Variants in HOOK1 observed in about 807,000 individuals in gnomAD.
HOOK1 encodes the protein hook microtubule tethering protein 1.
In HOOK1, 60 loss-of-function variants were observed where a neutral mutation model predicts 112.8. The ratio of observed to expected loss-of-function variants is 0.53; its 90% CI spans 0.43 to 0.66. The LOEUF (loss-of-function observed/expected upper bound fraction) is 0.66. Ranked by LOEUF, HOOK1 falls within the 30% of genes least tolerant of loss-of-function variation. HOOK1 has a pLI of 0.00. For synonymous variants in HOOK1, 294 were observed against 283.8 expected (o/e 1.04, Z -0.36); for missense variants, 770 against 856.0 (o/e 0.90, Z 1.25).
chr1:59,843,705 G>A, intron 9 of HOOK1, 107 bp downstream of exon 9: 1 of 841,406 alleles, frequency 1.2e-6, no homozygotes, highest in Non-Finnish European at 1.8e-6. Context: ...GCATCTTTAG[G>A]ATACTGATTA....
In HOOK1 at chr1:59,873,726, T is replaced by C. The variant is rs1239857822; in HGVS notation, c.*761T>C. 3.1e-4 allele frequency: 5 copies of C among 16,326 alleles called. No individual in the cohort carries two copies. Among genetic ancestry groups the C allele is most frequent in the African/African-American group, 6.1e-4 (2 of 3,294 alleles). 1.0% of individuals were successfully genotyped at this position (16,326 alleles called of 1,614,324 possible). A position where few individuals can be genotyped will look rare whatever the true frequency, so the allele number is the denominator to read the frequency against. On this transcript the variant is annotated 3_prime_UTR_variant, in exon 22 of 22. Coordinates refer to ENST00000371208, the MANE Select transcript of HOOK1 (RefSeq NM_015888.6). ...GGTGACTTTCTGATGGAAAGCAAGC[T>C]ATATATATATATATATATATATATA...
intron 17 of HOOK1, 49 bp from the exon 18 acceptor site, chr1:59,865,114 C>T (rs758718214): frequency 4.3e-6 from 5 of 1,172,522 alleles, no homozygotes; most frequent in Admixed American, 1.7e-5. Flanking sequence ...CCAAGGTCCA[C>T]AAATGTTATA....
chr1:59,854,339 C>T (rs574450712), intron 12 of HOOK1, among the ~76,000 whole-genome samples: 47 of 151,800 alleles, frequency 3.1e-4, no homozygotes, highest in Middle Eastern at 3.4e-3. Context: ...CATAAGCCAC[C>T]GCGCCCAGCC....
intron 1 of HOOK1, among the ~76,000 whole-genome samples, chr1:59,821,297 C>G (rs2098385431): frequency 6.6e-6 from 1 of 151,982 alleles, no homozygotes; most frequent in Non-Finnish European, 1.5e-5. Flanking sequence ...GTTAGTATAC[C>G]TAAAGCCAAA....
At chr1:59,844,375 T>G (rs755488345) in intron 9 of HOOK1, among the ~76,000 whole-genome samples, 1 of 151,958 alleles carries the variant, frequency 6.6e-6, no homozygotes, top group Non-Finnish European at 1.5e-5. Flanking sequence ...TAAGCCACGT[T>G]ATTTTCACAT....
At chr1:59,817,988 C>G (rs12076679) in intron 1 of HOOK1, among the ~76,000 whole-genome samples, 54,608 of 151,962 alleles carry the variant, frequency 0.36, 10,361 homozygotes, top group African/African-American at 0.45. Context: ...CCTTGGTTCT[C>G]ACCTCAGAGA....
At chr1:59,835,725 G>A (rs1372869438) in intron 6 of HOOK1, among the ~76,000 whole-genome samples, 5 of 152,066 alleles carry the variant, frequency 3.3e-5, no homozygotes, top group South Asian at 2.1e-4. Context: ...CCGGGGTGGC[G>A]GGCAGGGGGA....
intron 12 of HOOK1, 49 bp from the exon 13 acceptor site, chr1:59,858,379 G>A: frequency 9.0e-7 from 1 of 1,115,544 alleles, no homozygotes; most frequent in Non-Finnish European, 1.4e-6. Context: ...AAAGTACATT[G>A]TTTATAGGCA....
At chr1:59,815,315 T>G in intron 1 of HOOK1, 135 bp downstream of exon 1, 1 of 811,612 alleles carries the variant, frequency 1.2e-6, no homozygotes, top group Non-Finnish European at 1.9e-6. Context: ...CCTCGTGCCC[T>G]TGACCGAGAG....
At chr1:59,842,912 G>A (rs538346947) in intron 8 of HOOK1, among the ~76,000 whole-genome samples, 1 of 152,068 alleles carries the variant, frequency 6.6e-6, no homozygotes, top group East Asian at 1.9e-4. Context: ...TAGTTTAAAT[G>A]TACAAATGGA....
chr1:59,825,853 ATAGT>A (rs918741045), intron 2 of HOOK1, among the ~76,000 whole-genome samples: 21 of 152,318 alleles, frequency 1.4e-4, no homozygotes, highest in African/African-American at 4.6e-4. Context: ...TAAAGTGTAG[ATAGT>A]TATGTGTACA....
intron 2 of HOOK1, 104 bp downstream of exon 2, chr1:59,822,047 C>T (rs1201727886): frequency 2.3e-6 from 2 of 870,368 alleles, no homozygotes; most frequent in East Asian, 2.6e-5. Context: ...CTTTATCTTA[C>T]CCAGTGACAT....
chr1:59,815,955 G>A (rs1030165674), intron 1 of HOOK1, among the ~76,000 whole-genome samples: 4 of 152,174 alleles, frequency 2.6e-5, no homozygotes, highest in Non-Finnish European at 4.4e-5. Context: ...CAATATTCCA[G>A]TCAGCAAAAT....
Position 59,847,174 on chromosome 1 carries a change from A to G in HOOK1, c.918A>G (p.Ile306Met), listed in dbSNP as rs1278538854. The change falls in exon 10 of 22, where the codon ATA becomes ATG. Residue 306 changes from isoleucine (I) to methionine (M), a missense_variant. Ile to Met is a conservative substitution (Grantham distance 10). Transcript: ENST00000371208. ...AEETRALKDE[I>M]DVLRATSDKA... Reference sequence around the variant, plus strand: ...AAACAAGAGCCCTGAAAGATGAAATAGATGTTCTTAGGTATGGCATGTCTT... The same window carrying G: ...AAACAAGAGCCCTGAAAGATGAAATGGATGTTCTTAGGTATGGCATGTCTT... 6 of 1,603,102 alleles carry G rather than the reference A, an allele frequency of 3.7e-6. No homozygotes were observed. Among genetic ancestry groups the G allele is most frequent in the Non-Finnish European group, 3.4e-6 (4 of 1,175,488 alleles).
chr1:59,821,003 G>C (rs541824149), intron 1 of HOOK1, among the ~76,000 whole-genome samples: 2 of 152,166 alleles, frequency 1.3e-5, no homozygotes, highest in Non-Finnish European at 2.9e-5. Context: ...GAATTATGGC[G>C]GGAGAGAATT....
At chr1:59,854,634 T>C (rs776253763) in intron 12 of HOOK1, among the ~76,000 whole-genome samples, 2 of 152,182 alleles carry the variant, frequency 1.3e-5, no homozygotes, top group Admixed American at 1.3e-4. Context: ...ATGGCCTCCA[T>C]TATTTGATGA....
chr1:59,848,915 T>G (rs925793448), intron 11 of HOOK1, among the ~76,000 whole-genome samples, 158 bp from the exon 12 acceptor site: 1 of 151,628 alleles, frequency 6.6e-6, no homozygotes, highest in Non-Finnish European at 1.5e-5. Flanking sequence ...AATTCTTATC[T>G]ATATGTTATT....
At chr1:59,827,770 C>T (rs1470268734) in intron 2 of HOOK1, among the ~76,000 whole-genome samples, 1 of 150,410 alleles carries the variant, frequency 6.6e-6, no homozygotes, top group African/African-American at 2.4e-5. Flanking sequence ...GAGTTATCTT[C>T]TGGTTTTAGA....
At chr1:59,866,620 A>G (rs1643972668) in intron 19 of HOOK1, among the ~76,000 whole-genome samples, 1 of 152,182 alleles carries the variant, frequency 6.6e-6, no homozygotes, top group African/African-American at 2.4e-5. Flanking sequence ...CAAATGAAGA[A>G]AGACAGCCTA....
Sources: gnomAD v4.1 joint callset for allele counts (sites outside exome capture counted in the v4.1 genomes callset) on GRCh38, gnomAD v4.1.1 for gene constraint, MANE v1.5 for transcripts, NCBI Gene and HGNC (gene_info 2026-07-23, HGNC 2026-07-21) for gene names.